S100Z: variants seen among roughly 807,000 people sequenced by gnomAD.
S100Z encodes the protein S100 calcium binding protein Z.
In S100Z, 11 loss-of-function variants were observed where a neutral mutation model predicts 8.5. That is an observed-to-expected ratio of 1.30 (90% CI 0.82 to 2.15). S100Z has a LOEUF of 2.15. Ranked by LOEUF, S100Z falls within the 30% of genes most tolerant of loss-of-function variation. The probability of loss-of-function intolerance (pLI) is 0.00; values close to 1 mark genes in which losing one functional copy is unlikely to be tolerated. For missense variants in S100Z, 126 were observed against 117.9 expected, an observed-to-expected ratio of 1.07 and a Z score of -0.32; for synonymous variants, 34 against 43.8, an observed-to-expected ratio of 0.78 and a Z score of 0.89.
At chr5:76,937,317 A>C in the S100Z span, among the ~76,000 whole-genome samples, 2 of 151,896 alleles carry the variant, frequency 1.3e-5, no homozygotes, top group Non-Finnish European at 2.9e-5. Flanking sequence ...CTGGGGTAAT[A>C]CCTTGGTAAT....
At chr5:76,877,622 G>T in intron 3 of S100Z, 52 bp from the exon 4 acceptor site, 1 of 1,057,320 alleles carries the variant, frequency 9.5e-7, no homozygotes, top group Non-Finnish European at 1.4e-6. Context: ...AATTTCAATT[G>T]TCATCATGAA....
intron 2 of S100Z, among the ~76,000 whole-genome samples, chr5:76,874,497 CATTTTGGTG>C (rs1399900289): frequency 1.3e-5 from 2 of 152,136 alleles, no homozygotes; most frequent in African/African-American, 4.8e-5. Flanking sequence ...CACACCTGTT[CATTTTGGTG>C]ATTAAATACG....
At chr5:76,850,974 G>T (rs926393753) in intron 1 of S100Z, among the ~76,000 whole-genome samples, 34 of 152,250 alleles carry the variant, frequency 2.2e-4, no homozygotes, top group African/African-American at 7.5e-4. Flanking sequence ...CTCCTCATGG[G>T]ATTTTTGAGG....
intron 1 of S100Z, among the ~76,000 whole-genome samples, chr5:76,851,563 G>T (rs974940450): frequency 1.3e-5 from 2 of 152,174 alleles, no homozygotes; most frequent in Non-Finnish European, 2.9e-5. Flanking sequence ...TGGCCATGCA[G>T]TTGGGTGAAT....
At chr5:76,893,150 G>GT (rs1383823468) in intron 4 of S100Z, among the ~76,000 whole-genome samples, 2 of 152,166 alleles carry the variant, frequency 1.3e-5, no homozygotes, top group Admixed American at 6.5e-5. Flanking sequence ...ACAATGGAAA[G>GT]TGTCTACTAT....
intron 4 of S100Z, among the ~76,000 whole-genome samples, chr5:76,906,815 T>C (rs886119761): frequency 6.6e-6 from 1 of 151,586 alleles, no homozygotes; most frequent in Non-Finnish European, 1.5e-5. Context: ...GTGTTTTTAG[T>C]AGAGACAGGG....
downstream of S100Z, among the ~76,000 whole-genome samples, chr5:76,924,418 G>A (rs1431943555): frequency 6.6e-6 from 1 of 152,196 alleles, no homozygotes; most frequent in South Asian, 2.1e-4. Context: ...AAGCTTCAGA[G>A]GGTGAAGAAG....
intron 1 of S100Z, among the ~76,000 whole-genome samples, chr5:76,858,968 G>C (rs933304039): frequency 1.6e-4 from 24 of 152,188 alleles, no homozygotes; most frequent in African/African-American, 5.5e-4. Context: ...AAAAAAATTA[G>C]CCAGGCATGA....
At chr5:76,910,114 A>G (rs922100921) in intron 4 of S100Z, among the ~76,000 whole-genome samples, 5 of 152,210 alleles carry the variant, frequency 3.3e-5, no homozygotes, top group African/African-American at 1.2e-4. Context: ...AGAATTAGGA[A>G]AAGCCCATGA....
chr5:76,935,029 C>T, the S100Z span, among the ~76,000 whole-genome samples: 60 of 152,194 alleles, frequency 3.9e-4, no homozygotes, highest in African/African-American at 1.3e-3. Flanking sequence ...CCAAGTTTTA[C>T]GGTTTATGTC....
At chr5:76,927,540 G>C in the S100Z span, among the ~76,000 whole-genome samples, 4 of 151,996 alleles carry the variant, frequency 2.6e-5, no homozygotes, top group Admixed American at 6.5e-5. Flanking sequence ...AGCCACAACC[G>C]GTCTGGGTTG....
intron 4 of S100Z, among the ~76,000 whole-genome samples, chr5:76,894,982 C>G (rs528953091): frequency 6.6e-6 from 1 of 151,886 alleles, no homozygotes; most frequent in East Asian, 1.9e-4. Context: ...TAGAGAATTC[C>G]CTGAAGTCTA....
chr5:76,880,213 G>C (rs560745245), intron 4 of S100Z, among the ~76,000 whole-genome samples: 4 of 152,210 alleles, frequency 2.6e-5, no homozygotes, highest in African/African-American at 9.6e-5. Flanking sequence ...ATGGTGGAAT[G>C]TCATGAGTTA....
chr5:76,898,646 A>G (rs981689234), intron 4 of S100Z, among the ~76,000 whole-genome samples: 15 of 152,158 alleles, frequency 9.9e-5, no homozygotes, highest in African/African-American at 3.6e-4. Flanking sequence ...CCAAGAATAC[A>G]TATCATTTAG....
chr5:76,861,550 G>A (rs188362107), intron 1 of S100Z, among the ~76,000 whole-genome samples: 60 of 152,248 alleles, frequency 3.9e-4, no homozygotes, highest in African/African-American at 1.4e-3. Context: ...TGTTGGCCAG[G>A]CTGGTCTCGA....
At chr5:76,862,588 C>G (rs1214840055) in intron 1 of S100Z, among the ~76,000 whole-genome samples, 1 of 152,032 alleles carries the variant, frequency 6.6e-6, no homozygotes, top group Non-Finnish European at 1.5e-5. Context: ...AACCTGAGGC[C>G]AGGAGTTCGA....
chr5:76,898,086 T>A (rs1744102550), intron 4 of S100Z, among the ~76,000 whole-genome samples: 1 of 152,192 alleles, frequency 6.6e-6, no homozygotes, highest in Admixed American at 6.5e-5. Context: ...GACTTTCAGT[T>A]TTTCCCCATT....
At chr5:76,929,617 A>T in the S100Z span, among the ~76,000 whole-genome samples, 5 of 152,160 alleles carry the variant, frequency 3.3e-5, no homozygotes, top group African/African-American at 1.2e-4. Flanking sequence ...GTGACATGAG[A>T]TGGAAGCTGG....
chr5:76,875,641 A>C, intron 3 of S100Z, 141 bp downstream of exon 3: 2 of 726,698 alleles, frequency 2.8e-6, no homozygotes, highest in Non-Finnish European at 2.2e-6. Flanking sequence ...ATATAGGGGA[A>C]GCAAACACTG....
Sources: allele counts gnomAD v4.1 joint callset (sites outside exome capture counted in the v4.1 genomes callset), GRCh38; gene constraint gnomAD v4.1.1; transcripts MANE v1.5; gene names NCBI Gene and HGNC (gene_info 2026-07-23, HGNC 2026-07-21).